CCP110: variants seen among roughly 807,000 people sequenced by gnomAD.
The protein encoded by CCP110 is centriolar coiled-coil protein 110.
Under a neutral mutation model 105.5 loss-of-function variants are expected in CCP110, and 43 were observed. The observed-to-expected ratio is 0.41, with a 90% CI of 0.32 to 0.53. The LOEUF is 0.53. Ranked by LOEUF, CCP110 falls within the 20% of genes least tolerant of loss-of-function variation. CCP110 has a pLI of 0.32. For missense variants in CCP110, 1,016 were observed against 1,189.1 expected (o/e 0.85, Z 2.14); for synonymous variants, 353 against 392.1 (o/e 0.90, Z 1.18).
intron 2 of CCP110, 97 bp from the exon 3 acceptor site, chr16:19,532,319 C>G: frequency 1.0e-6 from 1 of 987,964 alleles, no homozygotes; most frequent in Non-Finnish European, 1.5e-6. Context: ...ATTAGTTTTG[C>G]CTGTTGCACA....
intron 2 of CCP110, among the ~76,000 whole-genome samples, chr16:19,528,427 C>A (rs1416148674): frequency 6.6e-6 from 1 of 152,176 alleles, no homozygotes; most frequent in African/African-American, 2.4e-5. Context: ...TGACGAACCA[C>A]CTAAATGTCC....
chr16:19,543,750 T>C (rs1380636880), intron 8 of CCP110, among the ~76,000 whole-genome samples: 1 of 152,160 alleles, frequency 6.6e-6, no homozygotes, highest in African/African-American at 2.4e-5. Context: ...TCTTATGCGG[T>C]TGAGATAAGG....
exon 15 of CCP110, chr16:19,551,272 A>G (rs1166463654): frequency 1.1e-5 from 17 of 1,587,528 alleles, no homozygotes; most frequent in Non-Finnish European, 1.5e-5. Flanking sequence ...ATTAGGATAA[A>G]ATGGGGGGAA....
At chr16:19,545,379 C>T (rs1970427583) in intron 10 of CCP110, among the ~76,000 whole-genome samples, 169 bp downstream of exon 10, 1 of 152,130 alleles carries the variant, frequency 6.6e-6, no homozygotes, top group South Asian at 2.1e-4. Flanking sequence ...AAAAGAATTA[C>T]ATCATTTAAG....
chr16:19,527,927 C>T lies in CCP110; in HGVS notation c.46C>T (p.Gln16Ter), dbSNP rs778583507. ...CTGTGAAAAAAGTCTTGCCAGAATA[C>T]AAGAAGCATCACTATCCACAGAGAG... Residue 16 changes from glutamine (Q) to a stop codon, truncating the protein, a stop_gained, in exon 2 of 15, where the codon CAA becomes TAA. Coordinates refer to ENST00000381396, the Ensembl canonical transcript of CCP110. LOFTEE classifies it high-confidence loss of function. The T allele has an allele frequency of 6.2e-7, 1 of 1,613,462 alleles. No homozygotes were observed. Among genetic ancestry groups the T allele is most frequent in the South Asian group, 1.1e-5 (1 of 91,050 alleles).
In CCP110 at chr16:19,548,944, G is replaced by C. The variant is rs946195576; in HGVS notation, c.2986+344G>C. On this transcript the variant is annotated intron_variant, in intron 14 of 14. Coordinates refer to ENST00000381396, the Ensembl canonical transcript of CCP110. This position sits in a 1 kb window ranked among gnomAD's most constrained non-coding sequence, Gnocchi z 4.1. ...ATCTCTGGTGCTAAGTCTGTGCATT[G>C]TCTGTTCAGCTTGGGGAAGTGTATC... is the stretch of plus-strand genomic sequence containing the variant. Among the ~76,000 whole-genome samples the C allele has an allele frequency of 1.3e-5, 2 of 152,150 alleles. No individual in the cohort carries two copies. Among genetic ancestry groups the C allele is most frequent in the Non-Finnish European group, 2.9e-5 (2 of 68,042 alleles).
In CCP110 at chr16:19,545,827, A is replaced by G. The variant is rs1319741423; in HGVS notation, c.2714A>G (p.Lys905Arg). The G allele has an allele frequency of 6.2e-7, 1 of 1,601,624 alleles. No individual in the cohort carries two copies. The highest frequency in any genetic ancestry group is 1.7e-5 in the Admixed American group (1 of 59,578). ...TTTTGTATATTAAAGGATAAAATGA[A>G]AAGTCCACGAGTGGCTCTTTCAGCT... Residue 905 changes from lysine (K) to arginine (R), a missense_variant, in exon 11 of 15, where the codon AAA (lysine) becomes AGA (arginine). Coordinates refer to ENST00000381396, the Ensembl canonical transcript of CCP110.
At chr16:19,529,565 A>G (rs1367518746) in intron 2 of CCP110, among the ~76,000 whole-genome samples, 1 of 152,060 alleles carries the variant, frequency 6.6e-6, no homozygotes, top group Non-Finnish European at 1.5e-5. Context: ...ATATACATCT[A>G]TGTGTGTGTG....
rs1056454212 is a variant in CCP110 at position 19,546,703 on chromosome 16, T to A, written c.2840+229T>A. 9.3e-6 allele frequency: 3 copies of A among 321,326 alleles called. No homozygotes were observed. In the South Asian group the frequency reaches 1.2e-4, roughly 13 times the overall value. 19.9% of individuals were successfully genotyped at this position (321,326 alleles called of 1,614,324 possible). A position where few individuals can be genotyped will look rare whatever the true frequency, so the allele number is the denominator to read the frequency against. ...GGTGGCACATGCCTGTAATCCCAGC[T>A]ACTCAAGAGGCTGAGGCAGGAGAAT... is the stretch of plus-strand genomic sequence containing the variant. On this transcript the variant is annotated intron_variant, in intron 12 of 14. Coordinates refer to ENST00000381396, the Ensembl canonical transcript of CCP110.
intron 3 of CCP110, among the ~76,000 whole-genome samples, chr16:19,534,537 G>T (rs558577321): frequency 6.6e-6 from 1 of 152,076 alleles, no homozygotes; most frequent in Non-Finnish European, 1.5e-5. Context: ...AATATTTTAC[G>T]TAAGGAAATC....
chr16:19,553,080 T>G (rs1420340422), exon 15 of CCP110: 1 of 152,210 alleles, frequency 6.6e-6, no homozygotes, highest in Non-Finnish European at 1.5e-5. Context: ...TGTGCACTTT[T>G]TGTGTGTGTA....
At chr16:19,541,853 G>T in intron 5 of CCP110, 34 bp from the exon 6 acceptor site, 1 of 1,321,658 alleles carries the variant, frequency 7.6e-7, no homozygotes, top group Non-Finnish European at 1.0e-6. Context: ...TAATTAAAAG[G>T]TTTAGCATGT....
chr16:19,531,808 A>T (rs146203264), intron 2 of CCP110, among the ~76,000 whole-genome samples: 7,165 of 152,254 alleles, frequency 0.047, 208 homozygotes, highest in African/African-American at 0.078. Context: ...TCTACTAAAA[A>T]TACAAAAATT....
At chr16:19,546,002 G>A in intron 11 of CCP110, 112 bp downstream of exon 11, 1 of 641,958 alleles carries the variant, frequency 1.6e-6, no homozygotes, top group Non-Finnish European at 2.7e-6. Flanking sequence ...TTCTGCAGTT[G>A]AGCTGATAGA....
intron 3 of CCP110, among the ~76,000 whole-genome samples, chr16:19,533,982 CAAAG>C (rs2151467155): frequency 1.3e-5 from 2 of 152,108 alleles, no homozygotes; most frequent in South Asian, 4.1e-4. Flanking sequence ...ATGAAAAAGT[CAAAG>C]GAATATATAG....
At chr16:19,542,672 C>G in exon 7 of CCP110, 2 of 1,613,294 alleles carry the variant, frequency 1.2e-6, no homozygotes, top group Non-Finnish European at 1.7e-6. Flanking sequence ...AACGAAGCAC[C>G]ATTCTACCTC....
chr16:19,534,100 T>C (rs1197770007), intron 3 of CCP110, among the ~76,000 whole-genome samples: 3 of 152,184 alleles, frequency 2.0e-5, no homozygotes, highest in African/African-American at 7.2e-5. Flanking sequence ...GGTCCTGAGA[T>C]ATTATTTCCC....
At chr16:19,537,310 A>T in exon 4 of CCP110, 1 of 1,614,186 alleles carries the variant, frequency 6.2e-7, no homozygotes, top group Non-Finnish European at 8.5e-7. Context: ...CTTATGATGT[A>T]AAAAACCCTT....
exon 12 of CCP110, chr16:19,546,416 G>A (rs892352147): frequency 6.4e-7 from 1 of 1,563,666 alleles, no homozygotes; most frequent in Middle Eastern, 1.7e-4. Context: ...TGTTAGAGCT[G>A]CTGAAATGGG....
Sources: gnomAD v4.1 joint callset for allele counts (sites outside exome capture counted in the v4.1 genomes callset) on GRCh38, gnomAD v4.1.1 for gene constraint, Gnocchi (gnomAD v3.1) non-coding constraint, MANE v1.5 for transcripts, NCBI Gene and HGNC (gene_info 2026-07-23, HGNC 2026-07-21) for gene names.